The following ANKS1B variants were observed in gnomAD, a reference collection of about 807,000 sequenced individuals.
ANKS1B encodes the protein ankyrin repeat and sterile alpha motif domain-containing protein 1B.
Under a neutral mutation model 148.3 loss-of-function variants are expected in ANKS1B, and 36 were observed. That is an observed-to-expected ratio of 0.24 (90% CI 0.19 to 0.32). ANKS1B has a LOEUF of 0.32. ANKS1B is among the 10% of genes least tolerant of loss of function. The probability of loss-of-function intolerance (pLI) is 1.00; values close to 1 mark genes in which losing one functional copy is unlikely to be tolerated. For missense variants in ANKS1B, 1,157 were observed against 1,542.6 expected, an observed-to-expected ratio of 0.75 and a Z score of 4.19; for synonymous variants, 542 against 560.8, an observed-to-expected ratio of 0.97 and a Z score of 0.47.
chr12:99,960,027 T>C (rs1236500012), intron 1 of ANKS1B, among the ~76,000 whole-genome samples: 1 of 152,216 alleles, frequency 6.6e-6, no homozygotes, highest in Non-Finnish European at 1.5e-5. Flanking sequence ...CCAACTGTCA[T>C]ATCTGGAAAA....
intron 10 of ANKS1B, among the ~76,000 whole-genome samples, chr12:99,482,268 C>A (rs2096422978): frequency 6.6e-6 from 1 of 151,974 alleles, no homozygotes; most frequent in Non-Finnish European, 1.5e-5. Flanking sequence ...TTTCCCAGCA[C>A]CATTTATTAA....
At chr12:99,768,554 G>A (rs768415815) in intron 8 of ANKS1B, among the ~76,000 whole-genome samples, 17 of 152,058 alleles carry the variant, frequency 1.1e-4, no homozygotes, top group Admixed American at 5.9e-4. Context: ...AGGGCTGGGC[G>A]CAGTGGCTCA....
At chr12:99,484,625 A>AT (rs1341188947) in intron 10 of ANKS1B, among the ~76,000 whole-genome samples, 2 of 151,616 alleles carry the variant, frequency 1.3e-5, no homozygotes, top group Admixed American at 1.3e-4. Context: ...TTGCTATCTC[A>AT]TTTTTTAGGT....
At chr12:99,566,410 T>C (rs2097394732) in intron 9 of ANKS1B, among the ~76,000 whole-genome samples, 1 of 152,174 alleles carries the variant, frequency 6.6e-6, no homozygotes, top group Admixed American at 6.5e-5. Flanking sequence ...CCTTCTAATT[T>C]CCAATAACAT....
At chr12:99,006,597 T>C (rs1287705201) in intron 17 of ANKS1B, among the ~76,000 whole-genome samples, 1 of 152,190 alleles carries the variant, frequency 6.6e-6, no homozygotes, top group Non-Finnish European at 1.5e-5. Flanking sequence ...TCAGGACCCT[T>C]TCCCTCTTGT....
At chr12:98,813,366 T>A (rs2099113213) in intron 19 of ANKS1B, among the ~76,000 whole-genome samples, 1 of 108,648 alleles carries the variant, frequency 9.2e-6, no homozygotes, top group South Asian at 4.2e-4. Flanking sequence ...GATGCACCAC[T>A]TCACCTATTT....
rs1157941210 is a variant in ANKS1B, at chr12:99,041,334, C to T, written c.2778+11823G>A. 3.3e-5 allele frequency among the ~76,000 whole-genome samples: 5 copies of T among 152,058 alleles called. No individual in the cohort carries two copies. In the South Asian group the frequency reaches 6.2e-4, roughly 19 times the overall value. On this transcript the variant is annotated intron_variant, in intron 17 of 26. Coordinates refer to ENST00000683438, the MANE Select transcript of ANKS1B (RefSeq NM_001352186.2). ...GTGCAACAAATATTTGAGCAAGGCA[C>T]GAAAATGATTTTTCATTAGACAGAT...
At chr12:98,912,258 G>A (rs1362321878) in intron 17 of ANKS1B, among the ~76,000 whole-genome samples, 1 of 152,182 alleles carries the variant, frequency 6.6e-6, no homozygotes, top group Non-Finnish European at 1.5e-5. Context: ...TGGCTCCAGA[G>A]TGTCTGTTCT....
At chr12:99,417,707 T>C (rs1280810539) in intron 11 of ANKS1B, among the ~76,000 whole-genome samples, 1 of 151,282 alleles carries the variant, frequency 6.6e-6, no homozygotes, top group Non-Finnish European at 1.5e-5. Flanking sequence ...CTTTGAACAT[T>C]TTTTTTCATC....
At chr12:99,287,104 T>G (rs2079233149) in intron 12 of ANKS1B, among the ~76,000 whole-genome samples, 1 of 152,094 alleles carries the variant, frequency 6.6e-6, no homozygotes, top group Non-Finnish European at 1.5e-5. Flanking sequence ...CAAGACCCAG[T>G]GTTATGCTGG....
chr12:99,557,714 G>A (rs766872478), intron 9 of ANKS1B, among the ~76,000 whole-genome samples: 8 of 152,302 alleles, frequency 5.3e-5, no homozygotes, highest in South Asian at 2.1e-4. Context: ...AACTAGTGTG[G>A]TCATTCTGAA....
intron 12 of ANKS1B, among the ~76,000 whole-genome samples, chr12:99,250,871 T>C (rs1224836512): frequency 6.6e-6 from 1 of 152,190 alleles, no homozygotes; most frequent in South Asian, 2.1e-4. Flanking sequence ...TGGGCTGATA[T>C]AACAAAATTT....
chr12:99,622,996 A>G (rs1055564285), intron 9 of ANKS1B, among the ~76,000 whole-genome samples: 5 of 152,140 alleles, frequency 3.3e-5, no homozygotes, highest in African/African-American at 1.2e-4. Context: ...AGATGTAAAA[A>G]TGCTCAACAA....
At chr12:99,701,880 T>C (rs2054887056) in intron 8 of ANKS1B, among the ~76,000 whole-genome samples, 1 of 152,184 alleles carries the variant, frequency 6.6e-6, no homozygotes, top group Admixed American at 6.5e-5. Context: ...ATCTCACTTT[T>C]TATGTCTGCA....
chr12:99,341,782 G>A (rs527996773), intron 12 of ANKS1B, among the ~76,000 whole-genome samples: 4 of 152,036 alleles, frequency 2.6e-5, no homozygotes, highest in Admixed American at 6.6e-5. Context: ...TAAGGAAATT[G>A]AGCCTTAGAA....
chr12:99,491,092 C>T (rs1265367550), intron 10 of ANKS1B, among the ~76,000 whole-genome samples: 3 of 152,128 alleles, frequency 2.0e-5, no homozygotes, highest in Non-Finnish European at 2.9e-5. Context: ...CCGAGGCAGG[C>T]GGATCATGAG....
At chr12:98,756,810 C>G (rs11109588) in intron 25 of ANKS1B, among the ~76,000 whole-genome samples, 2,047 of 150,032 alleles carry the variant, frequency 0.014, 21 homozygotes, top group Non-Finnish European at 0.02. Context: ...TCACTGCAAC[C>G]TGTGCCTCCT....
At chr12:99,371,481 A>G (rs944278157) in intron 12 of ANKS1B, among the ~76,000 whole-genome samples, 1 of 152,026 alleles carries the variant, frequency 6.6e-6, no homozygotes, top group Non-Finnish European at 1.5e-5. Flanking sequence ...ATTAGTTGCT[A>G]ATCTATTTCT....
rs568119640 is a variant in ANKS1B, at chr12:99,039,547, C to T, written c.2778+13610G>A. ...GGCTGGTAAAAGGTGAAGTGTCTTG[C>T]CCCAGTGGAATAAGGAACTAGAAAC... is the stretch of plus-strand genomic sequence containing the variant. On this transcript the variant is annotated intron_variant, in intron 17 of 26. Coordinates refer to ENST00000683438, the MANE Select transcript of ANKS1B (RefSeq NM_001352186.2). Among the ~76,000 whole-genome samples, 182 of 152,292 alleles carry T rather than the reference C, an allele frequency of 1.2e-3. 1 individual carries two copies. The highest frequency in any genetic ancestry group is 4.2e-3 in the African/African-American group (174 of 41,554).
Sources: gnomAD v4.1 joint callset for allele counts (sites outside exome capture counted in the v4.1 genomes callset) on GRCh38, gnomAD v4.1.1 for gene constraint, MANE v1.5 for transcripts, NCBI Gene and HGNC (gene_info 2026-07-23, HGNC 2026-07-21) for gene names.